The following VPS13B variants were observed in gnomAD, a reference collection of about 807,000 sequenced individuals.
VPS13B encodes intermembrane lipid transfer protein VPS13B.
A neutral mutation model predicts 426.4 loss-of-function variants in VPS13B; 285 were observed. That is an observed-to-expected ratio of 0.67 (90% CI 0.61 to 0.74). VPS13B has a LOEUF of 0.74. Among genes scored for constraint, VPS13B ranks in the 30% least tolerant of loss-of-function variants. VPS13B has a pLI of 0.00. For synonymous variants in VPS13B, 1,676 were observed against 1,676.4 expected (o/e 1.00, Z 0.01); for missense variants, 4,537 against 4,782.6 (o/e 0.95, Z 1.51).
intron 33 of VPS13B, among the ~76,000 whole-genome samples, chr8:99,609,924 C>T (rs138354147): frequency 3.6e-4 from 55 of 152,272 alleles, no homozygotes; most frequent in African/African-American, 1.3e-3. Context: ...ACAAGCAGTG[C>T]CTTAGAATTA....
chr8:99,744,901 C>T (rs1233982659), intron 39 of VPS13B, among the ~76,000 whole-genome samples: 1 of 151,950 alleles, frequency 6.6e-6, no homozygotes, highest in East Asian at 1.9e-4. Context: ...AGCACACCAA[C>T]ATGGCACATG....
chr8:99,497,971 GA>G (rs1326005746), intron 25 of VPS13B, among the ~76,000 whole-genome samples: 3 of 151,926 alleles, frequency 2.0e-5, no homozygotes, highest in East Asian at 3.9e-4. Flanking sequence ...GAATATCTAT[GA>G]AAAAAATAAA....
At chr8:99,448,387 C>T (rs1818032337) in intron 23 of VPS13B, among the ~76,000 whole-genome samples, 2 of 151,990 alleles carry the variant, frequency 1.3e-5, no homozygotes, top group African/African-American at 4.8e-5. Context: ...GAGATTATTT[C>T]AAGATATTTA....
chr8:99,067,075 G>T (rs953377741), intron 3 of VPS13B, among the ~76,000 whole-genome samples: 9 of 152,222 alleles, frequency 5.9e-5, no homozygotes, highest in Non-Finnish European at 1.0e-4. Context: ...CATTGTGGAA[G>T]ACAGTGTGGC....
At chr8:99,014,014 C>A in intron 2 of VPS13B, 79 bp downstream of exon 2, 1 of 1,553,284 alleles carries the variant, frequency 6.4e-7, no homozygotes, top group Non-Finnish European at 8.8e-7. Flanking sequence ...TAAGCTTTGA[C>A]TTTATGCTGT....
At chr8:99,241,842 T>C (rs1351179075) in intron 17 of VPS13B, among the ~76,000 whole-genome samples, 1 of 152,344 alleles carries the variant, frequency 6.6e-6, no homozygotes, top group South Asian at 2.1e-4. Flanking sequence ...GCAAATGAGA[T>C]ACTTTATGTC....
chr8:99,204,888 T>C (rs1814597608), intron 17 of VPS13B, among the ~76,000 whole-genome samples: 1 of 152,132 alleles, frequency 6.6e-6, no homozygotes, highest in Non-Finnish European at 1.5e-5. Flanking sequence ...GAAATAGAAA[T>C]GCTTTTACAC....
intron 40 of VPS13B, among the ~76,000 whole-genome samples, chr8:99,768,302 C>A: frequency 6.6e-6 from 1 of 152,130 alleles, no homozygotes; most frequent in South Asian, 2.1e-4. Flanking sequence ...AGAAAAAAAA[C>A]CATCCACCAT....
intron 35 of VPS13B, among the ~76,000 whole-genome samples, chr8:99,685,719 A>G (rs1831363148): frequency 6.6e-6 from 1 of 152,314 alleles, no homozygotes; most frequent in South Asian, 2.1e-4. Context: ...TCTTTGTTAC[A>G]TTTATCTGAC....
At chr8:99,736,370 C>T (rs1034558355) in intron 39 of VPS13B, among the ~76,000 whole-genome samples, 1 of 151,932 alleles carries the variant, frequency 6.6e-6, no homozygotes, top group South Asian at 2.1e-4. Context: ...GTCAGGAGTT[C>T]GAGACTAGCC....
At chr8:99,283,180 AATT>A (rs1819259195) in intron 19 of VPS13B, among the ~76,000 whole-genome samples, 1 of 152,204 alleles carries the variant, frequency 6.6e-6, no homozygotes, top group Non-Finnish European at 1.5e-5. Flanking sequence ...GAAATAAGTG[AATT>A]GCCTTGAAGT....
chr8:99,603,629 G>A (rs1827428862), intron 33 of VPS13B, among the ~76,000 whole-genome samples: 2 of 152,118 alleles, frequency 1.3e-5, no homozygotes, highest in Non-Finnish European at 2.9e-5. Flanking sequence ...GATGATTCAC[G>A]ACCCAGGCTG....
intron 55 of VPS13B, among the ~76,000 whole-genome samples, chr8:99,849,336 CAA>C (rs537901198): frequency 3.2e-4 from 49 of 152,038 alleles, no homozygotes; most frequent in Admixed American, 5.2e-4. Context: ...ATGAAATAGA[CAA>C]AGAGTTAATA....
chr8:99,021,215 A>G (rs1046966926), intron 2 of VPS13B, among the ~76,000 whole-genome samples: 4 of 152,264 alleles, frequency 2.6e-5, no homozygotes, highest in Non-Finnish European at 4.4e-5. Context: ...GCAAAAGCCT[A>G]AAGTATTTAC....
intron 17 of VPS13B, among the ~76,000 whole-genome samples, chr8:99,221,657 T>G (rs1372558298): frequency 2.0e-5 from 3 of 152,206 alleles, no homozygotes; most frequent in African/African-American, 7.2e-5. Flanking sequence ...TAAAACTTCT[T>G]TGAAATTTTT....
chr8:99,351,360 C>T (rs1811866689), intron 19 of VPS13B, among the ~76,000 whole-genome samples: 2 of 152,156 alleles, frequency 1.3e-5, no homozygotes, highest in South Asian at 4.2e-4. Context: ...TTAAAGTTAA[C>T]TCCAACTGTC....
chr8:99,114,351 T>C (rs538158627), intron 6 of VPS13B, among the ~76,000 whole-genome samples: 35 of 152,216 alleles, frequency 2.3e-4, no homozygotes, highest in Non-Finnish European at 4.6e-4. Flanking sequence ...AGTTAGATTT[T>C]TGAAAACACA....
At chr8:99,690,754 A>G (rs1000176970) in intron 35 of VPS13B, among the ~76,000 whole-genome samples, 8 of 152,238 alleles carry the variant, frequency 5.3e-5, no homozygotes, top group African/African-American at 1.7e-4. Flanking sequence ...AAGCACATGA[A>G]AAAATGCTGA....
rs186006566 is a variant in VPS13B, at chr8:99,702,198, G to A, written c.6454+2266G>A. Reference sequence around the variant, plus strand: ...ACCAGTAGTCATATTTCTTTTTGTAGTTTTCAAGTAACATTGTTCTACATT... The same window carrying A: ...ACCAGTAGTCATATTTCTTTTTGTAATTTTCAAGTAACATTGTTCTACATT... On this transcript the variant is annotated intron_variant, in intron 36 of 61. Coordinates refer to ENST00000357162, the MANE Select transcript of VPS13B (RefSeq NM_152564.5). 6.3e-3 allele frequency among the ~76,000 whole-genome samples: 962 copies of A among 152,182 alleles called. 8 individuals are homozygous for A. The highest frequency in any genetic ancestry group is 0.022 in the African/African-American group (903 of 41,534).
Sources: gnomAD v4.1 joint callset for allele counts (sites outside exome capture counted in the v4.1 genomes callset) on GRCh38, gnomAD v4.1.1 for gene constraint, MANE v1.5 for transcripts, NCBI Gene and HGNC (gene_info 2026-07-23, HGNC 2026-07-21) for gene names.